SOX6: variants seen among roughly 807,000 people sequenced by gnomAD.
The protein encoded by SOX6 is SRY-box transcription factor 6, also known as transcription factor SOX-6.
In SOX6, 11 loss-of-function variants were observed where a neutral mutation model predicts 97.8. That is an observed-to-expected ratio of 0.11 (90% confidence interval 0.07 to 0.19). The LOEUF is 0.19. Ranked by LOEUF, SOX6 falls within the 10% of genes least tolerant of loss-of-function variation. The pLI is 1.00. For synonymous variants in SOX6, 360 were observed against 371.4 expected (o/e 0.97, Z 0.35); for missense variants, 810 against 1,039.5 (o/e 0.78, Z 3.04).
intron 8 of SOX6, 68 bp from the exon 9 acceptor site, chr11:16,096,186 T>G: frequency 6.5e-7 from 1 of 1,548,614 alleles, no homozygotes; most frequent in Non-Finnish European, 8.9e-7. Flanking sequence ...TGAAACAGAA[T>G]ACATATTTCT....
chr11:16,381,965 T>C (rs4756846), intron 1 of SOX6, among the ~76,000 whole-genome samples: 13,175 of 152,018 alleles, frequency 0.087, 656 homozygotes, highest in Non-Finnish European at 0.11. Context: ...ATACAATAGA[T>C]GTTCTAATCA....
intron 1 of SOX6, among the ~76,000 whole-genome samples, chr11:16,446,831 A>G (rs1180063528): frequency 6.6e-6 from 1 of 152,144 alleles, no homozygotes; most frequent in Non-Finnish European, 1.5e-5. Context: ...AGATATTAAA[A>G]GAATAGTAAG....
chr11:16,416,434 C>T (rs1858927542), intron 1 of SOX6, among the ~76,000 whole-genome samples: 1 of 152,048 alleles, frequency 6.6e-6, no homozygotes, highest in Non-Finnish European at 1.5e-5. Context: ...TAGAGGATTC[C>T]ACTACCTTCT....
chr11:15,991,481 A>G (rs904252020), intron 13 of SOX6, among the ~76,000 whole-genome samples: 1 of 152,232 alleles, frequency 6.6e-6, no homozygotes, highest in African/African-American at 2.4e-5. Flanking sequence ...CCTCAGTGCC[A>G]TTACTTTACA....
chr11:16,710,957 T>C (rs1051470278), intron 3 of SOX6, among the ~76,000 whole-genome samples: 4 of 152,210 alleles, frequency 2.6e-5, no homozygotes, highest in Non-Finnish European at 5.9e-5. Context: ...TGTCCATAAG[T>C]TGTTCAAGCC....
chr11:16,270,323 T>C (rs1337445728), intron 3 of SOX6, among the ~76,000 whole-genome samples: 1 of 151,186 alleles, frequency 6.6e-6, no homozygotes, highest in Non-Finnish European at 1.5e-5. Flanking sequence ...ACTATAATTT[T>C]TAAAAAAGAA....
intron 1 of SOX6, among the ~76,000 whole-genome samples, chr11:16,364,639 T>C (rs2134382505): frequency 6.6e-6 from 1 of 152,266 alleles, no homozygotes; most frequent in South Asian, 2.1e-4. Flanking sequence ...GTAGAACACA[T>C]GAGCAAATGG....
chr11:16,269,062 G>A (rs1184178302), intron 3 of SOX6, among the ~76,000 whole-genome samples: 3 of 149,006 alleles, frequency 2.0e-5, no homozygotes, highest in Non-Finnish European at 4.5e-5. Flanking sequence ...TTAGATCTCT[G>A]ATCATTTTGG....
At chr11:16,251,679 A>G (rs1288614947) in intron 3 of SOX6, among the ~76,000 whole-genome samples, 1 of 152,100 alleles carries the variant, frequency 6.6e-6, no homozygotes, top group Non-Finnish European at 1.5e-5. Context: ...AATAATACCA[A>G]TGTAGTACAA....
intron 4 of SOX6, among the ~76,000 whole-genome samples, chr11:16,534,019 T>C (rs1861274001): frequency 6.6e-6 from 1 of 152,140 alleles, no homozygotes; most frequent in African/African-American, 2.4e-5. Context: ...TAATTAGGAA[T>C]TTTCTTAAAT....
At chr11:16,175,448 C>T (rs970654731) in intron 6 of SOX6, among the ~76,000 whole-genome samples, 3 of 152,004 alleles carry the variant, frequency 2.0e-5, no homozygotes, top group South Asian at 2.1e-4. Context: ...CAGACTACAG[C>T]GCTAACAGGT....
chr11:16,293,857 C>A (rs776447073), intron 3 of SOX6, among the ~76,000 whole-genome samples: 13 of 151,948 alleles, frequency 8.6e-5, no homozygotes, highest in Non-Finnish European at 1.6e-4. Context: ...GACGACCAGG[C>A]CCTACATCTC....
chr11:16,137,942 C>A (rs946464992), intron 6 of SOX6, among the ~76,000 whole-genome samples: 1 of 152,174 alleles, frequency 6.6e-6, no homozygotes, highest in African/African-American at 2.4e-5. Context: ...TTTCCTAAGG[C>A]CTTCCCCAGC....
chr11:16,058,719 A>G (rs750439093), intron 9 of SOX6, among the ~76,000 whole-genome samples: 5 of 152,054 alleles, frequency 3.3e-5, no homozygotes, highest in African/African-American at 1.2e-4. Flanking sequence ...AGTCTGGTCT[A>G]TCCTGCAGAT....
chr11:16,058,160 G>C (rs183373614), intron 9 of SOX6, among the ~76,000 whole-genome samples: 102 of 151,318 alleles, frequency 6.7e-4, no homozygotes, highest in African/African-American at 2.3e-3. Flanking sequence ...TTGACATTTT[G>C]TTATACTCTA....
intron 4 of SOX6, among the ~76,000 whole-genome samples, chr11:16,541,433 C>T (rs1861406987): frequency 6.6e-6 from 1 of 152,152 alleles, no homozygotes; most frequent in Non-Finnish European, 1.5e-5. Flanking sequence ...ATGACTAAAA[C>T]ACCGAAAGCA....
chr11:16,050,361 T>C (rs1847656932), intron 10 of SOX6, among the ~76,000 whole-genome samples: 1 of 152,150 alleles, frequency 6.6e-6, no homozygotes, highest in Non-Finnish European at 1.5e-5. Context: ...TAATATATAT[T>C]TTAAATCAAA....
At chr11:16,640,724 G>C (rs1321264109) in intron 3 of SOX6, among the ~76,000 whole-genome samples, 1 of 152,064 alleles carries the variant, frequency 6.6e-6, no homozygotes, top group African/African-American at 2.4e-5. Context: ...TTCTCTGATG[G>C]TAGTTTGTAT....
chr11:16,384,627 T>C (rs1015697903), intron 1 of SOX6, among the ~76,000 whole-genome samples: 4 of 151,760 alleles, frequency 2.6e-5, no homozygotes, highest in Admixed American at 2.0e-4. Flanking sequence ...TAGGAAAACA[T>C]AGAAATGAAC....
Sources: gnomAD v4.1 joint callset for allele counts (sites outside exome capture counted in the v4.1 genomes callset) on GRCh38, gnomAD v4.1.1 for gene constraint, MANE v1.5 for transcripts, NCBI Gene and HGNC (gene_info 2026-07-23, HGNC 2026-07-21) for gene names.